Variants in PRR16 observed in about 807,000 individuals in gnomAD.
PRR16 encodes protein Largen.
In PRR16, 6 loss-of-function variants were observed where a neutral mutation model predicts 18.2. The observed-to-expected ratio is 0.33, with a 90% CI of 0.18 to 0.65. The LOEUF is 0.65. Among genes scored for constraint, PRR16 ranks in the 30% least tolerant of loss-of-function variants. The pLI is 0.74. For synonymous variants in PRR16, 151 were observed against 147.8 expected (o/e 1.02, Z -0.16); for missense variants, 412 against 376.6 (o/e 1.09, Z -0.78).
At chr5:120,487,920 CTT>C (rs1294036164) in intron 1 of PRR16, among the ~76,000 whole-genome samples, 2 of 152,026 alleles carry the variant, frequency 1.3e-5, no homozygotes, top group Non-Finnish European at 2.9e-5. Context: ...CGGTTTTTGT[CTT>C]TGTTTCTGTT....
the PRR16 span, among the ~76,000 whole-genome samples, chr5:120,703,381 G>A: frequency 1.3e-5 from 2 of 152,206 alleles, no homozygotes; most frequent in African/African-American, 2.4e-5. Context: ...CAGGGGATGC[G>A]ATGGCTTGGC....
chr5:120,746,431 GA>G, the PRR16 span, among the ~76,000 whole-genome samples: 1 of 6,894 alleles, frequency 1.5e-4, no homozygotes, highest in East Asian at 0.029. Context: ...GGAACTCAGA[GA>G]TTTTTTTTTT....
At chr5:120,529,533 C>T (rs1054839403) in intron 1 of PRR16, among the ~76,000 whole-genome samples, 2 of 152,160 alleles carry the variant, frequency 1.3e-5, no homozygotes, top group African/African-American at 4.8e-5. Context: ...ATATAACAAA[C>T]TCTGGTGATA....
At chr5:120,794,047 C>T in the PRR16 span, among the ~76,000 whole-genome samples, 1 of 152,142 alleles carries the variant, frequency 6.6e-6, no homozygotes, top group African/African-American at 2.4e-5. Context: ...TCCAGTACAA[C>T]AAATGTAGGT....
At chr5:120,492,772 C>G (rs1002904466) in intron 1 of PRR16, among the ~76,000 whole-genome samples, 1 of 152,100 alleles carries the variant, frequency 6.6e-6, no homozygotes, top group Non-Finnish European at 1.5e-5. Flanking sequence ...TTGGGGTCCT[C>G]ATAGCTTAGA....
At chr5:120,676,938 A>T (rs1756818008) in intron 1 of PRR16, among the ~76,000 whole-genome samples, 1 of 152,206 alleles carries the variant, frequency 6.6e-6, no homozygotes, top group South Asian at 2.1e-4. Flanking sequence ...AGATTCTTCT[A>T]AATAAATAAA....
chr5:120,594,130 T>C (rs1182186910), intron 1 of PRR16, among the ~76,000 whole-genome samples: 15 of 152,042 alleles, frequency 9.9e-5, no homozygotes, highest in Admixed American at 9.8e-4. Context: ...CTATTAAACA[T>C]AGTATTGGAA....
chr5:120,501,911 G>T (rs1315372677), intron 1 of PRR16, among the ~76,000 whole-genome samples: 5 of 136,628 alleles, frequency 3.7e-5, no homozygotes, highest in African/African-American at 1.4e-4. Context: ...AGCCGAGATC[G>T]CGCCACTGCA....
intron 1 of PRR16, among the ~76,000 whole-genome samples, chr5:120,520,696 G>A (rs765177139): frequency 2.0e-5 from 3 of 152,046 alleles, no homozygotes; most frequent in South Asian, 2.1e-4. Context: ...ACCATCTTAC[G>A]TGAGTTGTCA....
chr5:120,529,235 A>G (rs1235009773), intron 1 of PRR16, among the ~76,000 whole-genome samples: 1 of 152,148 alleles, frequency 6.6e-6, no homozygotes, highest in Non-Finnish European at 1.5e-5. Context: ...ATATGACATG[A>G]TTTCTGAATA....
chr5:120,664,455 T>TA (rs1756290194), intron 1 of PRR16, among the ~76,000 whole-genome samples: 1 of 29,256 alleles, frequency 3.4e-5, no homozygotes, highest in East Asian at 0.029. Flanking sequence ...AAAATGTTTT[T>TA]GTTTTTTTTT....
chr5:120,513,907 C>A (rs1441847861), intron 1 of PRR16, among the ~76,000 whole-genome samples: 2 of 151,808 alleles, frequency 1.3e-5, no homozygotes, highest in Admixed American at 6.6e-5. Flanking sequence ...TGCAGGTGCC[C>A]ACCACCATGC....
At chr5:120,769,283 A>G in the PRR16 span, among the ~76,000 whole-genome samples, 1 of 151,844 alleles carries the variant, frequency 6.6e-6, no homozygotes, top group Non-Finnish European at 1.5e-5. Flanking sequence ...CTATGATACC[A>G]TCACCAGTAA....
chr5:120,671,375 T>C (rs1049693830), intron 1 of PRR16, among the ~76,000 whole-genome samples: 3 of 152,086 alleles, frequency 2.0e-5, no homozygotes, highest in Non-Finnish European at 2.9e-5. Context: ...AGAGTCCAAA[T>C]CATGAATACA....
the PRR16 span, among the ~76,000 whole-genome samples, chr5:120,764,773 G>T: frequency 3.3e-5 from 5 of 152,096 alleles, no homozygotes; most frequent in African/African-American, 1.2e-4. Flanking sequence ...CCTGTCAAAG[G>T]TATTTCATTT....
chr5:120,674,870 ATTT>A (rs1164454656), intron 1 of PRR16, among the ~76,000 whole-genome samples: 1 of 151,470 alleles, frequency 6.6e-6, no homozygotes, highest in Non-Finnish European at 1.5e-5. Flanking sequence ...TTTTATTTTT[ATTT>A]TTAAGCCATT....
intron 1 of PRR16, among the ~76,000 whole-genome samples, chr5:120,636,281 A>T (rs1008967974): frequency 6.6e-6 from 1 of 152,106 alleles, no homozygotes; most frequent in African/African-American, 2.4e-5. Flanking sequence ...AAAAAATCCT[A>T]AAATTCACAT....
chr5:120,530,166 G>GTA (rs1751496477), intron 1 of PRR16, among the ~76,000 whole-genome samples: 1 of 145,602 alleles, frequency 6.9e-6, no homozygotes, highest in South Asian at 2.1e-4. Context: ...ATGTGTGTGT[G>GTA]TATATATGCA....
At chr5:120,523,060 A>G (rs1393885979) in intron 1 of PRR16, among the ~76,000 whole-genome samples, 4 of 152,190 alleles carry the variant, frequency 2.6e-5, no homozygotes, top group Non-Finnish European at 5.9e-5. Context: ...GGAATCATAG[A>G]CATGTATCCC....
Sources: allele counts gnomAD v4.1 joint callset (sites outside exome capture counted in the v4.1 genomes callset), GRCh38; gene constraint gnomAD v4.1.1; transcripts MANE v1.5; gene names NCBI Gene and HGNC (gene_info 2026-07-23, HGNC 2026-07-21).